Variants in ANAPC10 observed in about 807,000 individuals in gnomAD.
The protein encoded by ANAPC10 is anaphase-promoting complex subunit 10.
Under a neutral mutation model 22.0 loss-of-function variants are expected in ANAPC10, and 12 were observed. That is an observed-to-expected ratio of 0.55 (90% CI 0.35 to 0.88). ANAPC10 has a LOEUF of 0.88. ANAPC10 is among the 40% of genes least tolerant of loss of function. The probability of loss-of-function intolerance (pLI) is 0.01; values close to 1 mark genes in which losing one functional copy is unlikely to be tolerated. For missense variants in ANAPC10, 188 were observed against 220.9 expected, an observed-to-expected ratio of 0.85 and a Z score of 0.94; for synonymous variants, 65 against 69.5, an observed-to-expected ratio of 0.94 and a Z score of 0.32.
chr4:145,054,647 G>A (rs1283749578), intron 4 of ANAPC10, among the ~76,000 whole-genome samples: 7 of 146,006 alleles, frequency 4.8e-5, no homozygotes, highest in African/African-American at 8.0e-5. Flanking sequence ...GTGTGCGCGC[G>A]CGCGCGCGTG....
intron 2 of ANAPC10, among the ~76,000 whole-genome samples, chr4:145,085,379 G>T (rs1326664997): frequency 6.6e-6 from 1 of 151,484 alleles, no homozygotes; most frequent in Admixed American, 6.6e-5. Context: ...ACTAAATCAC[G>T]ATTCTTCCGT....
chr4:145,083,053 ATACAG>A (rs1746309553), intron 2 of ANAPC10, among the ~76,000 whole-genome samples: 1 of 152,174 alleles, frequency 6.6e-6, no homozygotes. Context: ...AAATGATAGC[ATACAG>A]TAAATAGCTC....
At chr4:145,067,340 T>C (rs568436895) in intron 3 of ANAPC10, among the ~76,000 whole-genome samples, 11 of 152,248 alleles carry the variant, frequency 7.2e-5, no homozygotes, top group African/African-American at 2.4e-4. Context: ...TCGTGCTATA[T>C]TCGTAGCATA....
chr4:145,022,581 G>T (rs916894886), intron 4 of ANAPC10, among the ~76,000 whole-genome samples: 1 of 151,828 alleles, frequency 6.6e-6, no homozygotes, highest in African/African-American at 2.4e-5. Flanking sequence ...TGGGTGATGG[G>T]TGCACCCAAA....
intron 4 of ANAPC10, among the ~76,000 whole-genome samples, chr4:145,055,122 A>C (rs999564452): frequency 6.6e-6 from 1 of 152,232 alleles, no homozygotes; most frequent in Non-Finnish European, 1.5e-5. Flanking sequence ...AAAGGATCTT[A>C]AGATAAGTGT....
chr4:145,040,086 T>C (rs1401228645), intron 4 of ANAPC10, among the ~76,000 whole-genome samples: 2 of 151,910 alleles, frequency 1.3e-5, no homozygotes, highest in East Asian at 1.9e-4. Flanking sequence ...TGAGATTATA[T>C]AGAAAAGCAA....
chr4:145,046,781 A>G (rs901919843), intron 4 of ANAPC10, among the ~76,000 whole-genome samples: 2 of 152,104 alleles, frequency 1.3e-5, no homozygotes, highest in African/African-American at 4.8e-5. Flanking sequence ...CGAAATGCCA[A>G]ATATCAACCT....
Position 145,053,053 on chromosome 4 carries a change from C to T in ANAPC10, c.327+11519G>A, listed in dbSNP as rs148262219. On this transcript the variant is annotated intron_variant, in intron 4 of 4. Transcript: ENST00000507656. ...CCAGGCAAACCCTAAGAAACCTTAT[C>T]CTGACTGATGAGGAAGAAGATTCAG... Among the ~76,000 whole-genome samples, 17 of 152,160 alleles carry T rather than the reference C, an allele frequency of 1.1e-4. No homozygotes were observed. In the East Asian group the frequency reaches 2.9e-3, roughly 26 times the overall value.
chr4:145,035,604 G>T (rs898795183), intron 4 of ANAPC10, among the ~76,000 whole-genome samples: 10 of 152,298 alleles, frequency 6.6e-5, no homozygotes, highest in Admixed American at 3.9e-4. Flanking sequence ...TTCTTCTGCA[G>T]GACACTTGTC....
chr4:145,045,742 C>T (rs540518821), intron 4 of ANAPC10, among the ~76,000 whole-genome samples: 164 of 152,146 alleles, frequency 1.1e-3, no homozygotes, highest in African/African-American at 3.5e-3. Context: ...AAATGTCACA[C>T]GTCAATACTC....
At chr4:145,015,759 G>A (rs1451732500) in intron 4 of ANAPC10, among the ~76,000 whole-genome samples, 2 of 152,146 alleles carry the variant, frequency 1.3e-5, no homozygotes, top group Non-Finnish European at 2.9e-5. Flanking sequence ...AACTCTACAA[G>A]CTAGAAGAGA....
At chr4:145,090,156 C>A (rs112130768) in intron 2 of ANAPC10, among the ~76,000 whole-genome samples, 1 of 152,110 alleles carries the variant, frequency 6.6e-6, no homozygotes, top group African/African-American at 2.4e-5. Context: ...CTGTGGTTAA[C>A]GAAATCCACT....
intron 2 of ANAPC10, among the ~76,000 whole-genome samples, chr4:145,091,447 T>C (rs1203392728): frequency 6.6e-6 from 1 of 152,108 alleles, no homozygotes; most frequent in Non-Finnish European, 1.5e-5. Flanking sequence ...TAATCATATT[T>C]ACAGGAATAT....
intron 4 of ANAPC10, among the ~76,000 whole-genome samples, chr4:145,063,279 T>C (rs1265871099): frequency 6.6e-6 from 1 of 152,132 alleles, no homozygotes; most frequent in African/African-American, 2.4e-5. Flanking sequence ...ACATACAATA[T>C]TTAATAATTT....
intron 4 of ANAPC10, among the ~76,000 whole-genome samples, chr4:145,025,578 C>CAAG (rs1736544571): frequency 6.6e-6 from 1 of 152,046 alleles, no homozygotes; most frequent in Non-Finnish European, 1.5e-5. Flanking sequence ...CTTACATGGG[C>CAAG]TTAAGTTCGT....
chr4:145,048,129 G>A (rs1740600037), intron 4 of ANAPC10, among the ~76,000 whole-genome samples: 1 of 152,116 alleles, frequency 6.6e-6, no homozygotes, highest in Non-Finnish European at 1.5e-5. Flanking sequence ...CTTTTCCTCA[G>A]TAAAGCTAAA....
intron 3 of ANAPC10, among the ~76,000 whole-genome samples, chr4:145,076,691 T>C (rs1306962615): frequency 6.6e-6 from 1 of 152,018 alleles, no homozygotes; most frequent in Non-Finnish European, 1.5e-5. Context: ...TGAAACCCAA[T>C]CCAAGGAATC....
intron 4 of ANAPC10, among the ~76,000 whole-genome samples, chr4:145,028,663 G>A (rs867339802): frequency 3.3e-5 from 5 of 152,118 alleles, no homozygotes; most frequent in African/African-American, 1.2e-4. Flanking sequence ...CAAATAGTAT[G>A]GAAAATACTG....
chr4:145,051,091 A>C (rs572186406), intron 4 of ANAPC10, among the ~76,000 whole-genome samples: 127 of 152,316 alleles, frequency 8.3e-4, no homozygotes, highest in African/African-American at 2.7e-3. Flanking sequence ...TTAAAGTGAG[A>C]GATGTGAAAC....
Sources: gnomAD v4.1 joint callset for allele counts (sites outside exome capture counted in the v4.1 genomes callset) on GRCh38, gnomAD v4.1.1 for gene constraint, MANE v1.5 for transcripts, NCBI Gene and HGNC (gene_info 2026-07-23, HGNC 2026-07-21) for gene names.